SYN3: variants seen among roughly 807,000 people sequenced by gnomAD.
The protein encoded by SYN3 is synapsin III.
In SYN3, 35 loss-of-function variants were observed where a neutral mutation model predicts 65.8. That is an observed-to-expected ratio of 0.53 (90% confidence interval 0.41 to 0.70). The LOEUF is 0.70. SYN3 is among the 30% of genes least tolerant of loss of function. The pLI, the probability that SYN3 is intolerant of heterozygous loss-of-function variation, is 0.00. For missense variants in SYN3, 680 were observed against 749.0 expected, an observed-to-expected ratio of 0.91 and a Z score of 1.08; for synonymous variants, 270 against 292.9, an observed-to-expected ratio of 0.92 and a Z score of 0.80.
chr22:33,019,998 T>C (rs568263396), intron 1 of SYN3, among the ~76,000 whole-genome samples: 2 of 152,220 alleles, frequency 1.3e-5, no homozygotes, highest in Non-Finnish European at 2.9e-5. Context: ...ATAATAGTAA[T>C]GAAACATCGT....
At chr22:32,688,582 A>G (rs1045459855) in intron 6 of SYN3, among the ~76,000 whole-genome samples, 5 of 152,092 alleles carry the variant, frequency 3.3e-5, no homozygotes, top group Admixed American at 6.6e-5. Context: ...AATTTGGAAA[A>G]CAACCTAAAT....
chr22:32,627,448 G>T (rs902056283), intron 6 of SYN3, among the ~76,000 whole-genome samples: 4 of 152,170 alleles, frequency 2.6e-5, no homozygotes, highest in African/African-American at 9.6e-5. Context: ...CTCACGGCAG[G>T]TCACACCACA....
intron 6 of SYN3, among the ~76,000 whole-genome samples, chr22:32,753,561 G>A (rs2045203734): frequency 6.6e-6 from 1 of 152,160 alleles, no homozygotes; most frequent in Non-Finnish European, 1.5e-5. Flanking sequence ...GGCTCCCCAC[G>A]TTTCACAGGA....
chr22:32,549,888 CA>C (rs10666789), intron 7 of SYN3, among the ~76,000 whole-genome samples: 21 of 142,016 alleles, frequency 1.5e-4, no homozygotes, highest in Non-Finnish European at 2.3e-4. Flanking sequence ...GACTCTGTCT[CA>C]AAAAAAAAAA....
At chr22:32,615,638 C>T (rs984890122) in intron 6 of SYN3, among the ~76,000 whole-genome samples, 51 of 151,926 alleles carry the variant, frequency 3.4e-4, no homozygotes, top group Non-Finnish European at 1.3e-4. Context: ...AGGGATAGCA[C>T]GCTCTAATAA....
At chr22:32,683,286 C>G (rs2060547943) in intron 6 of SYN3, among the ~76,000 whole-genome samples, 2 of 152,094 alleles carry the variant, frequency 1.3e-5, no homozygotes, top group African/African-American at 4.8e-5. Context: ...TTTTCTGCCT[C>G]TTAATTGCCT....
At chr22:32,843,116 T>C (rs1447075385) in intron 6 of SYN3, among the ~76,000 whole-genome samples, 2 of 152,124 alleles carry the variant, frequency 1.3e-5, no homozygotes, top group African/African-American at 4.8e-5. Context: ...GCAAAACTGC[T>C]TACAGGCTAC....
intron 6 of SYN3, among the ~76,000 whole-genome samples, chr22:32,819,981 T>C (rs1051612200): frequency 6.0e-4 from 91 of 152,232 alleles, no homozygotes; most frequent in Non-Finnish European, 2.4e-4. Flanking sequence ...CCATTAGCTT[T>C]TTTGTTTGTT....
rs1029924538 is a variant in SYN3 at position 32,859,077 on chromosome 22, C to A, written c.711+5838G>T. 6.3e-6 allele frequency: 7 copies of A among 1,106,894 alleles called. No individual in the cohort carries two copies. The African/African-American group carries it at 1.1e-4, about 17-fold the overall frequency. 68.6% of individuals were successfully genotyped at this position (1,106,894 alleles called of 1,614,324 possible). A position where few individuals can be genotyped will look rare whatever the true frequency, so the allele number is the denominator to read the frequency against. ...TCACTGAGGGACTGATGTGGCTAGG[C>A]TTCCCATGCAGTGGCCCCAGGGTCT... On this transcript the variant is annotated intron_variant, in intron 6 of 13. Transcript: ENST00000358763.
At chr22:32,593,249 A>AT (rs57051276) in intron 7 of SYN3, among the ~76,000 whole-genome samples, 265 of 140,958 alleles carry the variant, frequency 1.9e-3, no homozygotes, top group East Asian at 5.0e-3. Context: ...CGTCTGTGTC[A>AT]TTTTTTTTTT....
intron 6 of SYN3, among the ~76,000 whole-genome samples, chr22:32,742,129 A>G (rs2044790871): frequency 6.6e-6 from 1 of 152,052 alleles, no homozygotes; most frequent in African/African-American, 2.4e-5. Context: ...CAAAAAAATT[A>G]GCCGGGCATG....
rs75332775 is a variant in SYN3 at position 32,722,283 on chromosome 22, G to A, written c.712-125547C>T. ...TGCCTAAGTAGACTAAATAAACAAC[G>A]ATGGTGGCTACCAGCACCTCTCCCT... On this transcript the variant is annotated intron_variant, in intron 6 of 13. Coordinates refer to ENST00000358763, the MANE Select transcript of SYN3 (RefSeq NM_003490.4). Among the ~76,000 whole-genome samples, 190 of 152,270 alleles carry A rather than the reference G, an allele frequency of 1.2e-3. 2 individuals carry two copies. The East Asian group carries it at 0.03, about 24-fold the overall frequency.
At chr22:32,540,822 C>T (rs144242478) in intron 8 of SYN3, among the ~76,000 whole-genome samples, 50 of 152,296 alleles carry the variant, frequency 3.3e-4, no homozygotes, top group Non-Finnish European at 6.2e-4. Context: ...TTGGACTAAT[C>T]AGTACTTTTT....
intron 7 of SYN3, among the ~76,000 whole-genome samples, chr22:32,568,702 C>G (rs923730257): frequency 1.3e-5 from 2 of 152,170 alleles, no homozygotes; most frequent in Admixed American, 6.5e-5. Flanking sequence ...CCTCCTAATT[C>G]CATCACCTTG....
chr22:32,704,946 G>T lies in SYN3; in HGVS notation c.712-108210C>A, dbSNP rs533442866. ...ACATTTAAGTTCCTTATAGATGCTG[G>T]ACATTAGACCTTTGTCAGGTGCATA... is the stretch of plus-strand genomic sequence containing the variant. On this transcript the variant is annotated intron_variant, in intron 6 of 13. Transcript: ENST00000358763. Among the ~76,000 whole-genome samples, 7 of 152,272 alleles carry T rather than the reference G, an allele frequency of 4.6e-5. No homozygotes were observed. The East Asian group carries it at 1.4e-3, about 29-fold the overall frequency.
At chr22:33,050,007 T>C (rs1410008518) in intron 1 of SYN3, among the ~76,000 whole-genome samples, 1 of 152,068 alleles carries the variant, frequency 6.6e-6, no homozygotes, top group Non-Finnish European at 1.5e-5. Context: ...ACTCACCCCA[T>C]GTGTCTCAAA....
chr22:32,689,471 C>G, intron 6 of SYN3, among the ~76,000 whole-genome samples: 1 of 152,206 alleles, frequency 6.6e-6, no homozygotes, highest in East Asian at 1.9e-4. Flanking sequence ...GACCTTTACT[C>G]TGTGATCTTC....
At chr22:32,725,563 G>A (rs921163641) in intron 6 of SYN3, among the ~76,000 whole-genome samples, 19 of 152,158 alleles carry the variant, frequency 1.2e-4, no homozygotes, top group South Asian at 2.1e-4. Context: ...TGATGGGTCC[G>A]TGAAATTAGG....
chr22:32,937,166 G>GA (rs1569340012), intron 3 of SYN3, among the ~76,000 whole-genome samples: 1 of 152,192 alleles, frequency 6.6e-6, no homozygotes, highest in African/African-American at 2.4e-5. Flanking sequence ...CGTGGAAATG[G>GA]AGAGATGATG....
Sources: allele counts gnomAD v4.1 joint callset (sites outside exome capture counted in the v4.1 genomes callset), GRCh38; gene constraint gnomAD v4.1.1; transcripts MANE v1.5; gene names NCBI Gene and HGNC (gene_info 2026-07-23, HGNC 2026-07-21).